The following LRRK1 variants were observed in gnomAD, a reference collection of about 807,000 sequenced individuals.
LRRK1 encodes leucine rich repeat kinase 1, also known as leucine-rich repeat serine/threonine-protein kinase 1.
LRRK1 carries 113 observed loss-of-function variants against 209.1 expected under a neutral mutation model. The observed-to-expected ratio is 0.54, with a 90% confidence interval of 0.46 to 0.63. LRRK1 has a LOEUF of 0.63. Ranked by LOEUF, LRRK1 falls within the 30% of genes least tolerant of loss-of-function variation. The pLI is 0.00. For missense variants in LRRK1, 2,284 were observed against 2,632.2 expected (o/e 0.87, Z 2.89); for synonymous variants, 1,144 against 1,099.7 (o/e 1.04, Z -0.80).
chr15:101,049,715 T>A lies in LRRK1; in HGVS notation c.3371T>A (p.Val1124Glu), dbSNP rs1459904257. 3 of 1,614,082 alleles carry A rather than the reference T, an allele frequency of 1.9e-6. No individual in the cohort carries two copies. The highest frequency in any genetic ancestry group is 4.5e-5 in the East Asian group (2 of 44,890). The change falls in exon 23 of 34, where the codon GTG (valine) becomes GAG (glutamate). Residue 1124 changes from valine (V) to glutamate (E), a missense_variant. Val to Glu is a moderately radical substitution (Grantham distance 121). This residue lies in a region of LRRK1 where 780 missense variants were observed against 985.2 expected (regional missense o/e 0.79). Transcript: ENST00000388948. ...GGMKIVCQSE[V>E]RDFSAMAFIT... ...ATGAAAATTGTTTGCCAATCAGAAG[T>A]GAGGGACTTCTCAGCCATGGCTTTC...
At chr15:101,052,050 C>A in intron 24 of LRRK1, 90 bp downstream of exon 24, 1 of 1,483,768 alleles carries the variant, frequency 6.7e-7, no homozygotes, top group Non-Finnish European at 9.1e-7. Context: ...CAGGAAGACC[C>A]CTCTGGGGCG....
In LRRK1 at chr15:101,024,892, G is replaced by A. The variant is rs754929653; in HGVS notation, c.2157G>A (p.Leu719=). ...AGTGCTTCTTCACGGACAAGGCCCT[G>A]TACGTGGTGGTCTGGAACCTGGCGC... The part of the protein sequence containing the change: ...VNQCFFTDKA[L]YVVVWNLALG... Residue 719 remains leucine (L), a synonymous_variant, in exon 16 of 34, where the codon CTG becomes CTA. Coordinates refer to ENST00000388948, the MANE Select transcript of LRRK1 (RefSeq NM_024652.6). This position sits in a 1 kb window ranked among gnomAD's most constrained non-coding sequence, Gnocchi z 4.6. The A allele has an allele frequency of 1.2e-6, 2 of 1,614,200 alleles. No individual in the cohort carries two copies. Among genetic ancestry groups the A allele is most frequent in the Admixed American group, 3.3e-5 (2 of 60,034 alleles).
chr15:101,029,003 A>T lies in LRRK1; in HGVS notation c.2734A>T (p.Thr912Ser). 3 of 1,613,964 alleles carry T rather than the reference A, an allele frequency of 1.9e-6. No individual in the cohort carries two copies. The highest frequency in any genetic ancestry group is 2.5e-6 in the Non-Finnish European group (3 of 1,180,006). Residue 912 changes from threonine to serine, a missense_variant, in exon 20 of 34, where the codon ACC (threonine) becomes TCC (serine). Coordinates refer to ENST00000388948, the MANE Select transcript of LRRK1 (RefSeq NM_024652.6). Reference protein sequence around the residue: ...ETGTLLHFPDTSHGLRNLYFL... With the variant: ...ETGTLLHFPDSSHGLRNLYFL... Reference sequence around the variant, plus strand: ...CGGCACCCTGCTCCATTTCCCGGACACCAGCCACGGCCTGAGGAACCTCTA... The same window carrying T: ...CGGCACCCTGCTCCATTTCCCGGACTCCAGCCACGGCCTGAGGAACCTCTA...
chr15:100,981,858 A>G (rs1420941627), intron 3 of LRRK1, among the ~76,000 whole-genome samples: 1 of 152,208 alleles, frequency 6.6e-6, no homozygotes, highest in Non-Finnish European at 1.5e-5. Flanking sequence ...TTCCTGCCCA[A>G]CTTACCTAAA....
intron 2 of LRRK1, among the ~76,000 whole-genome samples, chr15:100,972,335 TGAGAGAGAGAG>T (rs1326058326): frequency 1.6e-4 from 17 of 106,208 alleles, no homozygotes; most frequent in African/African-American, 4.7e-4. Flanking sequence ...TATATATATA[TGAGAGAGAGAG>T]AGAGAGAGAG....
chr15:100,972,730 A>G (rs1345145602), intron 2 of LRRK1, among the ~76,000 whole-genome samples: 2 of 152,008 alleles, frequency 1.3e-5, no homozygotes, highest in Non-Finnish European at 2.9e-5. Context: ...CAATAACCCA[A>G]TTTGCTTGGT....
Position 101,071,525 on chromosome 15 carries a change from G to A in LRRK1, c.*2677G>A, listed in dbSNP as rs569900775. 1.3e-5 allele frequency: 2 copies of A among 152,396 alleles called. No individual in the cohort carries two copies. The highest frequency in any genetic ancestry group is 1.9e-4 in the East Asian group (1 of 5,178). The allele number at this position is 152,396 out of a possible 1,614,324, so 9.4% of individuals were successfully genotyped here. A position where few individuals can be genotyped will look rare whatever the true frequency, so the allele number is the denominator to read the frequency against. ...CTGCCTCAGCCTCCCGAGTAGCTGC[G>A]ATTACAGGCGTGCACCACAATGCCT... On this transcript the variant is annotated 3_prime_UTR_variant, in exon 34 of 34. Transcript: ENST00000388948.
intron 4 of LRRK1, 143 bp downstream of exon 4, chr15:100,983,842 A>C (rs773692478): frequency 2.3e-6 from 2 of 867,000 alleles, no homozygotes; most frequent in African/African-American, 3.3e-5. Context: ...AAACAAAGTG[A>C]AGCTTGCCTG....
Position 100,963,533 on chromosome 15 carries a change from ACCCTGCTCTACACCACTCCCTAATC to A in LRRK1, c.98-10269_98-10245del, listed in dbSNP as rs2030228983. Among the ~76,000 whole-genome samples the A allele has an allele frequency of 3.3e-5, 5 of 152,196 alleles. No homozygotes were observed. In the South Asian group the frequency reaches 1.0e-3, roughly 31 times the overall value. The stretch of plus-strand genomic sequence containing the variant: ...AGGCCTGTGCTGGCCCTTGGGCACC[ACCCTGCTCTACACCACTCCCTAATC>A]CTTGGCCTGGGCCGCTTGTCTGCAG... On this transcript the variant is annotated intron_variant, in intron 2 of 33. Transcript: ENST00000388948.
At chr15:101,011,905 G>T in intron 9 of LRRK1, 103 bp from the exon 10 acceptor site, 1 of 816,104 alleles carries the variant, frequency 1.2e-6, no homozygotes, top group Non-Finnish European at 2.0e-6. Flanking sequence ...GGACATTATT[G>T]TAATGGTCCA....
intron 11 of LRRK1, 55 bp from the exon 12 acceptor site, chr15:101,015,271 A>T: frequency 7.1e-7 from 1 of 1,413,680 alleles, no homozygotes; most frequent in Non-Finnish European, 1.0e-6. Flanking sequence ...TCACAGCCAA[A>T]AGTAATGCTT....
intron 2 of LRRK1, among the ~76,000 whole-genome samples, chr15:100,954,663 T>G: frequency 6.6e-6 from 1 of 152,230 alleles, no homozygotes. Context: ...CTAGTTAATT[T>G]CTGTGCATGG....
chr15:100,981,624 C>T (rs2031604983), intron 3 of LRRK1, among the ~76,000 whole-genome samples: 1 of 152,226 alleles, frequency 6.6e-6, no homozygotes, highest in South Asian at 2.1e-4. Context: ...GAGCTAGACA[C>T]ATCCCAGTTC....
At chr15:101,025,744 A>G (rs2033998709) in intron 16 of LRRK1, among the ~76,000 whole-genome samples, 2 of 152,232 alleles carry the variant, frequency 1.3e-5, no homozygotes, top group Admixed American at 1.3e-4. Flanking sequence ...ATCTGGCCCC[A>G]TGACCCAACC....
rs1467845489 is a variant in LRRK1, at chr15:101,071,334, G to A, written c.*2486G>A. On this transcript the variant is annotated 3_prime_UTR_variant, in exon 34 of 34. Transcript: ENST00000388948. ...CATCTCCTTCTTAAACACCTACTAA[G>A]TGTCAGGCACTGTGACCGGAGACAC... is the stretch of plus-strand genomic sequence containing the variant. The A allele has an allele frequency of 1.4e-5, 2 of 143,180 alleles. No individual in the cohort carries two copies. The highest frequency in any genetic ancestry group is 6.0e-5 in the African/African-American group (2 of 33,134). 8.9% of individuals were successfully genotyped at this position (143,180 alleles called of 1,614,324 possible). A position where few individuals can be genotyped will look rare whatever the true frequency, so the allele number is the denominator to read the frequency against.
chr15:101,008,121 C>T (rs4319753), intron 6 of LRRK1, among the ~76,000 whole-genome samples: 2 of 131,852 alleles, frequency 1.5e-5, no homozygotes, highest in Admixed American at 8.8e-5. Flanking sequence ...CCAGCCTGGG[C>T]GACAGAGCGA....
intron 2 of LRRK1, among the ~76,000 whole-genome samples, chr15:100,937,770 C>A (rs943053505): frequency 2.0e-5 from 3 of 151,992 alleles, no homozygotes; most frequent in Admixed American, 2.0e-4. Flanking sequence ...CTCCTGACCT[C>A]GTGATCCGCC....
At chr15:100,937,237 A>G (rs1257032336) in intron 2 of LRRK1, among the ~76,000 whole-genome samples, 2 of 152,192 alleles carry the variant, frequency 1.3e-5, no homozygotes, top group Non-Finnish European at 2.9e-5. Context: ...TTCATTTTTA[A>G]TAGATGAATC....
intron 2 of LRRK1, among the ~76,000 whole-genome samples, chr15:100,959,671 G>A (rs1308264023): frequency 6.6e-6 from 1 of 152,162 alleles, no homozygotes; most frequent in Non-Finnish European, 1.5e-5. Context: ...TGTGCTCACC[G>A]CTTCTCTTTG....
Sources: allele counts gnomAD v4.1 joint callset (sites outside exome capture counted in the v4.1 genomes callset), GRCh38; gene constraint gnomAD v4.1.1; regional missense constraint gnomAD v4.1.1; non-coding constraint Gnocchi (gnomAD v3.1); transcripts MANE v1.5; gene names NCBI Gene and HGNC (gene_info 2026-07-23, HGNC 2026-07-21).